Variants in CSTPP1 observed in about 807,000 individuals in gnomAD.
CSTPP1 encodes centriolar satellite-associated tubulin polyglutamylase complex regulator 1.
At chr11:46,964,119 G>A in the CSTPP1 span, among the ~76,000 whole-genome samples, 1 of 152,002 alleles carries the variant, frequency 6.6e-6, no homozygotes, top group African/African-American at 2.4e-5. Flanking sequence ...AACCTAAACT[G>A]GATCTGGTTA....
the CSTPP1 span, among the ~76,000 whole-genome samples, chr11:47,058,349 A>G: frequency 6.6e-6 from 1 of 152,172 alleles, no homozygotes; most frequent in Non-Finnish European, 1.5e-5. Flanking sequence ...AAAACAAAAT[A>G]AAATTACCAG....
chr11:46,950,675 G>A, the CSTPP1 span, among the ~76,000 whole-genome samples: 1 of 151,584 alleles, frequency 6.6e-6, no homozygotes, highest in South Asian at 2.1e-4. Flanking sequence ...GCAATGGCCC[G>A]ATCTCGGCTC....
the CSTPP1 span, among the ~76,000 whole-genome samples, chr11:47,020,066 G>GC: frequency 6.6e-6 from 1 of 152,052 alleles, no homozygotes; most frequent in Admixed American, 6.6e-5. Flanking sequence ...ACCTGAAAGT[G>GC]CCCCCCACAC....
the CSTPP1 span, among the ~76,000 whole-genome samples, chr11:47,150,960 C>T: frequency 6.8e-6 from 1 of 146,742 alleles, no homozygotes. Context: ...AAGCTTGGCT[C>T]ACTGACATGG....
chr11:47,083,443 T>C, the CSTPP1 span, among the ~76,000 whole-genome samples: 3 of 152,236 alleles, frequency 2.0e-5, no homozygotes, highest in Non-Finnish European at 2.9e-5. Flanking sequence ...TGAACATGTT[T>C]TCAGTTCTCT....
At chr11:47,102,201 T>C in the CSTPP1 span, among the ~76,000 whole-genome samples, 3 of 152,178 alleles carry the variant, frequency 2.0e-5, no homozygotes, top group South Asian at 2.1e-4. Context: ...ATTTATTCTG[T>C]GGATAGATCA....
chr11:47,048,764 G>T, the CSTPP1 span, among the ~76,000 whole-genome samples: 1 of 152,112 alleles, frequency 6.6e-6, no homozygotes, highest in Non-Finnish European at 1.5e-5. Context: ...GTTCATGGTT[G>T]CACAGCATTG....
chr11:46,994,079 G>A, the CSTPP1 span, among the ~76,000 whole-genome samples: 1 of 152,146 alleles, frequency 6.6e-6, no homozygotes, highest in African/African-American at 2.4e-5. Context: ...CTCTCAGTTT[G>A]TCTGTTATTG....
chr11:46,967,265 T>C, the CSTPP1 span, among the ~76,000 whole-genome samples: 1 of 152,204 alleles, frequency 6.6e-6, no homozygotes, highest in Non-Finnish European at 1.5e-5. Flanking sequence ...TTCATTTTTT[T>C]GTATATGAGT....
At chr11:46,998,743 T>TG in the CSTPP1 span, among the ~76,000 whole-genome samples, 1 of 152,136 alleles carries the variant, frequency 6.6e-6, no homozygotes, top group African/African-American at 2.4e-5. Flanking sequence ...TTTTGTTTTT[T>TG]TTTGTTTTTT....
the CSTPP1 span, among the ~76,000 whole-genome samples, chr11:46,968,248 G>C: frequency 1.2e-4 from 18 of 151,276 alleles, no homozygotes; most frequent in Middle Eastern, 3.4e-3. Context: ...TGAAATCAAA[G>C]GCCTTCTATA....
chr11:46,951,548 G>A, the CSTPP1 span, among the ~76,000 whole-genome samples: 1 of 152,056 alleles, frequency 6.6e-6, no homozygotes, highest in Non-Finnish European at 1.5e-5. Flanking sequence ...GCCTCCCACA[G>A]TGCTGAGATT....
At chr11:46,972,428 T>TGGCA in the CSTPP1 span, among the ~76,000 whole-genome samples, 1 of 152,208 alleles carries the variant, frequency 6.6e-6, no homozygotes, top group Admixed American at 6.5e-5. Context: ...GTCTGTGGGA[T>TGGCA]GGCAGTGCAG....
chr11:47,137,201 G>A, the CSTPP1 span: 1,064 of 1,104,130 alleles, frequency 9.6e-4, no homozygotes, highest in Non-Finnish European at 1.2e-3. Context: ...GACTGTTTGC[G>A]TTAGTACTGC....
At chr11:47,087,509 A>G in the CSTPP1 span, among the ~76,000 whole-genome samples, 37,090 of 152,064 alleles carry the variant, frequency 0.24, 5,235 homozygotes, top group East Asian at 0.65. Context: ...GGCCATCCTG[A>G]CCAATATGGT....
At chr11:47,070,156 G>T in the CSTPP1 span, among the ~76,000 whole-genome samples, 1 of 152,070 alleles carries the variant, frequency 6.6e-6, no homozygotes, top group African/African-American at 2.4e-5. Context: ...CCCAGGAGTT[G>T]GAGAACATAA....
the CSTPP1 span, chr11:47,154,596 A>G: frequency 6.5e-6 from 1 of 153,272 alleles, no homozygotes; most frequent in Admixed American, 6.4e-5. Flanking sequence ...TCACAAGTGC[A>G]GATTCCCCAA....
At chr11:46,998,529 A>T in the CSTPP1 span, among the ~76,000 whole-genome samples, 5 of 152,306 alleles carry the variant, frequency 3.3e-5, no homozygotes, top group African/African-American at 9.6e-5. Flanking sequence ...TTATTCTAAG[A>T]AGTGAAAAGT....
chr11:47,042,271 TTATTTTTAGGGAA>T, the CSTPP1 span, among the ~76,000 whole-genome samples: 1 of 151,198 alleles, frequency 6.6e-6, no homozygotes, highest in East Asian at 1.9e-4. Context: ...AAAGATTTCA[TTATTTTTAGGGAA>T]TATTTTTAGG....
Sources: gnomAD v4.1 joint callset for allele counts (sites outside exome capture counted in the v4.1 genomes callset) on GRCh38, gnomAD v4.1.1 for gene constraint, MANE v1.5 for transcripts, NCBI Gene and HGNC (gene_info 2026-07-23, HGNC 2026-07-21) for gene names.